PSMA1: variants seen among roughly 807,000 people sequenced by gnomAD.
The protein encoded by PSMA1 is proteasome 20S subunit alpha 1.
In PSMA1, 3 loss-of-function variants were observed where a neutral mutation model predicts 38.4. The observed-to-expected ratio is 0.08, with a 90% CI of 0.04 to 0.20. The LOEUF is 0.20. PSMA1 is among the 10% of genes least tolerant of loss of function. The pLI is 1.00. For missense variants in PSMA1, 227 were observed against 325.3 expected, an observed-to-expected ratio of 0.70 and a Z score of 2.32; for synonymous variants, 101 against 107.1, an observed-to-expected ratio of 0.94 and a Z score of 0.35.
At chr11:14,622,987 G>A (rs2133712320) in intron 1 of PSMA1, among the ~76,000 whole-genome samples, 1 of 152,328 alleles carries the variant, frequency 6.6e-6, no homozygotes, top group East Asian at 1.9e-4. Flanking sequence ...GAGGCAGAGT[G>A]CTTCACCATG....
chr11:14,581,665 C>A (rs1389297963), intron 2 of PSMA1, among the ~76,000 whole-genome samples: 1 of 152,084 alleles, frequency 6.6e-6, no homozygotes, highest in African/African-American at 2.4e-5. Context: ...TGCCAGAACC[C>A]AACTCAAAAT....
Position 14,519,001 on chromosome 11 carries a change from G to A in PSMA1, c.44C>T (p.Pro15Leu). ...QYDNDVTVWS[P>L]QGRIHQIEYA... Reference sequence around the variant, plus strand: ...GGTTTAAAAACATTATTTTACCTGGGGGCTCCAAACAGTGACATCATTGTC... The same window carrying A: ...GGTTTAAAAACATTATTTTACCTGGAGGCTCCAAACAGTGACATCATTGTC... The change falls in exon 2 of 10, where the codon CCC (proline) becomes CTC (leucine). Residue 15 changes from proline to leucine, a missense_variant. Pro to Leu is a moderately conservative substitution (Grantham distance 98). Transcript: ENST00000396394. 6.3e-7 allele frequency: 1 copy of A among 1,582,838 alleles called. No individual in the cohort carries two copies. Among genetic ancestry groups the A allele is most frequent in the South Asian group, 1.2e-5 (1 of 86,420 alleles).
At chr11:14,610,906 C>T in intron 2 of PSMA1, 1 of 1,558,430 alleles carries the variant, frequency 6.4e-7, no homozygotes, top group Admixed American at 1.7e-5. Context: ...TGGGGGCTCA[C>T]ATAGTGAGAT....
In PSMA1 at chr11:14,508,209, C is replaced by T. The variant is rs149837438; in HGVS notation, c.625-443G>A. ...TCATTCATGCTCCCCTTCTTTTAGA[C>T]ACTTCTAACATTCTCCAAGCTCTTT... is the stretch of plus-strand genomic sequence containing the variant. On this transcript the variant is annotated intron_variant, in intron 8 of 9. Transcript: ENST00000396394. Among the ~76,000 whole-genome samples, 936 of 152,280 alleles carry T rather than the reference C, an allele frequency of 6.1e-3. 12 individuals carry two copies. Among genetic ancestry groups the T allele is most frequent in the African/African-American group, 0.022 (901 of 41,534 alleles).
At chr11:14,506,175 G>C (rs1024029630) in intron 9 of PSMA1, among the ~76,000 whole-genome samples, 1 of 152,130 alleles carries the variant, frequency 6.6e-6, no homozygotes, top group Non-Finnish European at 1.5e-5. Context: ...ACCCCACACT[G>C]TTCGAGGATA....
intron 2 of PSMA1, among the ~76,000 whole-genome samples, chr11:14,583,918 C>T (rs1252700983): frequency 6.6e-6 from 1 of 152,120 alleles, no homozygotes; most frequent in African/African-American, 2.4e-5. Flanking sequence ...TTTACTACTC[C>T]ACATGGCTTC....
At chr11:14,634,643 CA>C (rs1275214902) in intron 1 of PSMA1, among the ~76,000 whole-genome samples, 1 of 152,056 alleles carries the variant, frequency 6.6e-6, no homozygotes, top group African/African-American at 2.4e-5. Context: ...CGTGCATAGC[CA>C]AAATTCAGGC....
At chr11:14,508,663 G>C (rs188900390) in intron 8 of PSMA1, among the ~76,000 whole-genome samples, 42 of 150,942 alleles carry the variant, frequency 2.8e-4, no homozygotes, top group Non-Finnish European at 5.7e-4. Context: ...AGAGATGATA[G>C]CGATTGGAGC....
At chr11:14,537,369 C>G (rs1565039676) in intron 2 of PSMA1, among the ~76,000 whole-genome samples, 1 of 152,098 alleles carries the variant, frequency 6.6e-6, no homozygotes, top group Non-Finnish European at 1.5e-5. Flanking sequence ...CCTGTTTTGT[C>G]CAAGTGAATT....
intron 2 of PSMA1, among the ~76,000 whole-genome samples, chr11:14,530,880 C>T (rs1357449947): frequency 8.1e-6 from 1 of 124,042 alleles, no homozygotes; most frequent in African/African-American, 3.2e-5. Context: ...CTAGCTTGGG[C>T]GACAGGTCAA....
At chr11:14,630,323 T>G (rs1305605769) in intron 1 of PSMA1, among the ~76,000 whole-genome samples, 1 of 152,220 alleles carries the variant, frequency 6.6e-6, no homozygotes, top group African/African-American at 2.4e-5. Context: ...GCTCTTATTA[T>G]TTTGAGATAC....
chr11:14,625,077 A>G (rs1852894832), intron 1 of PSMA1, among the ~76,000 whole-genome samples: 1 of 152,220 alleles, frequency 6.6e-6, no homozygotes, highest in South Asian at 2.1e-4. Context: ...CATAGGAAAC[A>G]TGGAGGATGT....
chr11:14,618,875 C>A (rs190404823), intron 1 of PSMA1, among the ~76,000 whole-genome samples: 1 of 152,328 alleles, frequency 6.6e-6, no homozygotes, highest in Admixed American at 6.5e-5. Context: ...CATCCATTTT[C>A]TCACTGGATT....
chr11:14,586,971 A>G (rs992043978), intron 2 of PSMA1, among the ~76,000 whole-genome samples: 26 of 152,314 alleles, frequency 1.7e-4, no homozygotes, highest in African/African-American at 6.3e-4. Context: ...TATGTTGGCC[A>G]GGATGGTCTC....
At chr11:14,602,468 GA>G (rs914223284) in intron 2 of PSMA1, among the ~76,000 whole-genome samples, 5 of 149,702 alleles carry the variant, frequency 3.3e-5, no homozygotes, top group African/African-American at 7.4e-5. Context: ...CCAGAGGTAT[GA>G]AAAAAAAATC....
At chr11:14,594,103 G>A (rs1429868011) in intron 2 of PSMA1, among the ~76,000 whole-genome samples, 1 of 152,226 alleles carries the variant, frequency 6.6e-6, no homozygotes, top group Non-Finnish European at 1.5e-5. Context: ...TGGCAGAGCT[G>A]AAGAATGGAA....
intron 1 of PSMA1, among the ~76,000 whole-genome samples, chr11:14,519,561 G>T (rs1032266289): frequency 6.6e-6 from 1 of 152,102 alleles, no homozygotes; most frequent in African/African-American, 2.4e-5. Flanking sequence ...AGTTATGCCT[G>T]TACAAGTGCT....
chr11:14,556,915 C>T (rs908401832), intron 2 of PSMA1, among the ~76,000 whole-genome samples: 1 of 152,178 alleles, frequency 6.6e-6, no homozygotes. Flanking sequence ...GGCTCACTGT[C>T]GCCTCCAACT....
Position 14,507,679 on chromosome 11 carries a change from C to T in PSMA1, c.712G>A (p.Glu238Lys). 1 of 1,609,874 alleles carries T rather than the reference C, an allele frequency of 6.2e-7. No homozygotes were observed. Among genetic ancestry groups the T allele is most frequent in the Non-Finnish European group, 8.5e-7 (1 of 1,176,684 alleles). Residue 238 changes from glutamate (E) to lysine (K), a missense_variant, in exon 9 of 10, where the codon GAA becomes AAA. By Grantham distance (56) the Glu-to-Lys change is moderately conservative. Coordinates refer to ENST00000396394, the MANE Select transcript of PSMA1 (RefSeq NM_002786.4). Reference sequence around the variant, plus strand: ...ACCTGTGCCTTTCTCTGTGGTCTTTCTTCAAGACCTTCCAGGAATGGAGAC... The same window carrying T: ...ACCTGTGCCTTTCTCTGTGGTCTTTTTTCAAGACCTTCCAGGAATGGAGAC... ...DVSPFLEGLE[E>K]RPQRKAQPAQ...
Sources: gnomAD v4.1 joint callset for allele counts (sites outside exome capture counted in the v4.1 genomes callset) on GRCh38, gnomAD v4.1.1 for gene constraint, MANE v1.5 for transcripts, NCBI Gene and HGNC (gene_info 2026-07-23, HGNC 2026-07-21) for gene names.